Variants in CLSTN2 observed in about 807,000 individuals in gnomAD.
CLSTN2 encodes calsyntenin-2.
CLSTN2 carries 48 observed loss-of-function variants against 101.2 expected under a neutral mutation model. That is an observed-to-expected ratio of 0.47 (90% CI 0.38 to 0.60). The LOEUF (loss-of-function observed/expected upper bound fraction) is 0.60. Among genes scored for constraint, CLSTN2 ranks in the 20% least tolerant of loss-of-function variants. The pLI is 0.00. For missense variants in CLSTN2, 1,160 were observed against 1,238.2 expected (o/e 0.94, Z 0.95); for synonymous variants, 481 against 463.6 (o/e 1.04, Z -0.48).
chr3:140,457,244 G>C (rs772774688), intron 6 of CLSTN2, among the ~76,000 whole-genome samples: 8 of 152,238 alleles, frequency 5.3e-5, no homozygotes, highest in Non-Finnish European at 1.0e-4. Context: ...GCTTGAGCTA[G>C]AAGTCAGAAG....
chr3:140,519,528 A>G (rs1934985070), intron 8 of CLSTN2, among the ~76,000 whole-genome samples: 1 of 152,164 alleles, frequency 6.6e-6, no homozygotes, highest in African/African-American at 2.4e-5. Flanking sequence ...TATTGAGTGC[A>G]TATATATTTA....
chr3:140,521,307 A>T (rs1935022371), intron 8 of CLSTN2, among the ~76,000 whole-genome samples: 1 of 152,088 alleles, frequency 6.6e-6, no homozygotes, highest in Non-Finnish European at 1.5e-5. Context: ...TGACCTTTGA[A>T]TGGGATTTTT....
chr3:140,000,345 G>T (rs2006803113), intron 1 of CLSTN2, among the ~76,000 whole-genome samples: 1 of 152,222 alleles, frequency 6.6e-6, no homozygotes, highest in African/African-American at 2.4e-5. Context: ...TTGGAAGGTT[G>T]TTATGATAAA....
chr3:140,304,368 T>G (rs974803131), intron 2 of CLSTN2, among the ~76,000 whole-genome samples: 1 of 152,238 alleles, frequency 6.6e-6, no homozygotes, highest in African/African-American at 2.4e-5. Context: ...CTCACAGTTG[T>G]AGCTGCTGGG....
intron 1 of CLSTN2, among the ~76,000 whole-genome samples, chr3:140,122,471 TA>T (rs1019111834): frequency 2.3e-4 from 35 of 152,208 alleles, no homozygotes; most frequent in African/African-American, 8.4e-4. Context: ...ATTCACAGTA[TA>T]ACTATTTTGT....
chr3:139,989,159 G>A (rs1936077498), intron 1 of CLSTN2, among the ~76,000 whole-genome samples: 2 of 152,130 alleles, frequency 1.3e-5, no homozygotes, highest in South Asian at 2.1e-4. Context: ...ATTCTGCTGG[G>A]GTTTCTCCTC....
At chr3:140,362,975 C>G (rs111880598) in intron 2 of CLSTN2, among the ~76,000 whole-genome samples, 1 of 151,970 alleles carries the variant, frequency 6.6e-6, no homozygotes, top group Non-Finnish European at 1.5e-5. Context: ...AAATTTCATT[C>G]CTGGGCATCA....
intron 1 of CLSTN2, among the ~76,000 whole-genome samples, chr3:140,085,756 A>C (rs898450863): frequency 6.6e-6 from 1 of 152,104 alleles, no homozygotes; most frequent in Non-Finnish European, 1.5e-5. Context: ...GCAATACAAC[A>C]ATGTCTAGAG....
At chr3:139,991,760 G>A (rs140144191) in intron 1 of CLSTN2, among the ~76,000 whole-genome samples, 135 of 152,334 alleles carry the variant, frequency 8.9e-4, no homozygotes, top group African/African-American at 3.1e-3. Flanking sequence ...GAAAGAATTT[G>A]TAGGTTTACA....
chr3:140,022,631 G>A (rs1467162994), intron 1 of CLSTN2, among the ~76,000 whole-genome samples: 1 of 152,214 alleles, frequency 6.6e-6, no homozygotes, highest in East Asian at 1.9e-4. Context: ...CAATGGGGAG[G>A]GCCAGGAAGG....
intron 1 of CLSTN2, among the ~76,000 whole-genome samples, chr3:140,069,471 T>C (rs567102589): frequency 1.3e-5 from 2 of 152,188 alleles, no homozygotes; most frequent in Non-Finnish European, 2.9e-5. Flanking sequence ...ATGGGCTTCA[T>C]GGGCAGTGAT....
chr3:139,997,723 A>G (rs1259993689), intron 1 of CLSTN2, among the ~76,000 whole-genome samples: 1 of 152,166 alleles, frequency 6.6e-6, no homozygotes, highest in Non-Finnish European at 1.5e-5. Context: ...TCAAATGTAC[A>G]TTTTCAAATA....
At position 140,566,232 on chromosome 3, in the gene CLSTN2, T is replaced by C. The variant is rs1418868704; in HGVS notation, c.2847T>C (p.Asp949=). The C allele has an allele frequency of 1.3e-6, 2 of 1,576,546 alleles. No individual in the cohort carries two copies. The highest frequency in any genetic ancestry group is 1.9e-5 in the Admixed American group (1 of 53,722). Residue 949 remains aspartate (D), a synonymous_variant, in exon 17 of 17, where the codon GAT becomes GAC. Coordinates refer to ENST00000458420, the MANE Select transcript of CLSTN2 (RefSeq NM_022131.3). Reference sequence around the variant, plus strand: ...CCAGGCAAGCCCAGCTGGAGTGGGATGACTCCACCCTCCCCTACTAGTGCC... The same window carrying C: ...CCAGGCAAGCCCAGCTGGAGTGGGACGACTCCACCCTCCCCTACTAGTGCC... ...NGARQAQLEW[D]DSTLPY is the part of the protein sequence containing the mutation.
Position 140,562,210 on chromosome 3 carries a change from A to G in CLSTN2, c.2114A>G (p.Asp705Gly). 6.2e-7 allele frequency: 1 copy of G among 1,614,020 alleles called. No individual in the cohort carries two copies. Residue 705 changes from aspartate to glycine, a missense_variant, in exon 13 of 17, where the codon GAC (aspartate) becomes GGC (glycine). Physicochemically the swap from Asp to Gly is moderately conservative, Grantham distance 94. Coordinates refer to ENST00000458420, the MANE Select transcript of CLSTN2 (RefSeq NM_022131.3). ...TGTGACATTTTGGTGATCGGAGGGG[A>G]CTTGGACCCAAGGCAGGAGTGCTTG... ...DFCDILVIGG[D>G]LDPRQECLEL...
intron 2 of CLSTN2, among the ~76,000 whole-genome samples, chr3:140,222,357 G>C (rs939281488): frequency 2.0e-5 from 3 of 152,158 alleles, no homozygotes; most frequent in Non-Finnish European, 4.4e-5. Flanking sequence ...GGTGGGGATA[G>C]TTAATTCGTA....
chr3:139,943,356 C>T (rs1028893129), intron 1 of CLSTN2, among the ~76,000 whole-genome samples: 2 of 152,184 alleles, frequency 1.3e-5, no homozygotes, highest in Non-Finnish European at 2.9e-5. Flanking sequence ...TCCAACCCTC[C>T]CATTATGCTG....
chr3:140,481,211 C>A (rs1400564893), intron 8 of CLSTN2, among the ~76,000 whole-genome samples: 2 of 152,128 alleles, frequency 1.3e-5, no homozygotes, highest in Non-Finnish European at 2.9e-5. Context: ...GGAATCCTTT[C>A]CCCATTTCTT....
At chr3:140,483,513 G>C (rs946610963) in intron 8 of CLSTN2, among the ~76,000 whole-genome samples, 5 of 151,164 alleles carry the variant, frequency 3.3e-5, no homozygotes, top group African/African-American at 1.2e-4. Flanking sequence ...ACTTTCTGTC[G>C]CATTGATCTG....
chr3:140,017,018 T>A (rs912316238), intron 1 of CLSTN2, among the ~76,000 whole-genome samples: 1 of 152,172 alleles, frequency 6.6e-6, no homozygotes, highest in East Asian at 1.9e-4. Flanking sequence ...TAGAATCAAC[T>A]GTAGGCTAGA....
Sources: allele counts gnomAD v4.1 joint callset (sites outside exome capture counted in the v4.1 genomes callset), GRCh38; gene constraint gnomAD v4.1.1; transcripts MANE v1.5; gene names NCBI Gene and HGNC (gene_info 2026-07-23, HGNC 2026-07-21).